DOCK1: variants seen among roughly 807,000 people sequenced by gnomAD.
DOCK1 encodes dedicator of cytokinesis protein 1.
In DOCK1, 138 loss-of-function variants were observed where a neutral mutation model predicts 262.7. The ratio of observed to expected loss-of-function variants is 0.53; its 90% CI spans 0.46 to 0.61. The LOEUF (loss-of-function observed/expected upper bound fraction) is 0.61, where lower values mean the gene tolerates loss of function less well. Ranked by LOEUF, DOCK1 falls within the 20% of genes least tolerant of loss-of-function variation. DOCK1 has a pLI of 0.00. For synonymous variants in DOCK1, 866 were observed against 867.4 expected (o/e 1.00, Z 0.03); for missense variants, 1,908 against 2,370.7 (o/e 0.80, Z 4.05).
intron 1 of DOCK1, among the ~76,000 whole-genome samples, chr10:126,909,498 C>T (rs572079653): frequency 4.0e-4 from 61 of 152,262 alleles, no homozygotes; most frequent in Non-Finnish European, 7.3e-4. Context: ...GAGAAGCTTG[C>T]AGGGTGAGGC....
chr10:127,415,782 G>T (rs545842530), intron 44 of DOCK1, among the ~76,000 whole-genome samples: 6 of 152,164 alleles, frequency 3.9e-5, no homozygotes, highest in East Asian at 1.9e-4. Context: ...TTTCATTTAC[G>T]TGAAACTCAC....
intron 22 of DOCK1, among the ~76,000 whole-genome samples, chr10:127,056,651 C>A (rs1316843262): frequency 6.6e-6 from 1 of 151,962 alleles, no homozygotes; most frequent in Non-Finnish European, 1.5e-5. Flanking sequence ...TCCATGAATA[C>A]TTAATGAGTG....
At chr10:127,036,068 G>A (rs912223658) in intron 18 of DOCK1, among the ~76,000 whole-genome samples, 6 of 151,148 alleles carry the variant, frequency 4.0e-5, no homozygotes, top group South Asian at 2.1e-4. Flanking sequence ...TGCTCAATTC[G>A]TCATCCTCTC....
At position 126,916,597 on chromosome 10, in the gene DOCK1, ACT is replaced by A. The variant is rs368765668; in HGVS notation, c.46+11037_46+11038del. ...CTAAGCCACAGAAAAGTTAAAGAAG[ACT>A]CTGCCTCGAAATAACTCATTTCTTC... On this transcript the variant is annotated intron_variant, in intron 1 of 51. Coordinates refer to ENST00000623213, the MANE Select transcript of DOCK1 (RefSeq NM_001290223.2). Among the ~76,000 whole-genome samples the A allele has an allele frequency of 1.3e-4, 20 of 151,956 alleles. No homozygotes were observed. The South Asian group carries it at 2.7e-3, about 21-fold the overall frequency.
chr10:127,151,748 C>T (rs1324040235), intron 27 of DOCK1, among the ~76,000 whole-genome samples: 3 of 152,166 alleles, frequency 2.0e-5, no homozygotes, highest in Admixed American at 6.5e-5. Flanking sequence ...AGTGAGTCTT[C>T]CTAAGTCTTG....
intron 33 of DOCK1, among the ~76,000 whole-genome samples, chr10:127,371,720 C>A (rs1447519112): frequency 6.6e-6 from 1 of 152,176 alleles, no homozygotes; most frequent in Non-Finnish European, 1.5e-5. Flanking sequence ...CAGCCCTCAT[C>A]AAACATTTAA....
At chr10:126,993,153 G>A (rs549190424) in intron 6 of DOCK1, among the ~76,000 whole-genome samples, 10 of 152,346 alleles carry the variant, frequency 6.6e-5, no homozygotes, top group Non-Finnish European at 1.3e-4. Context: ...GTCTGCCCTG[G>A]CAGGTGTGAG....
intron 19 of DOCK1, among the ~76,000 whole-genome samples, chr10:127,040,395 G>A (rs1009391940): frequency 3.9e-5 from 6 of 152,200 alleles, no homozygotes; most frequent in African/African-American, 1.4e-4. Flanking sequence ...GCCAAGCATG[G>A]AGAGGATTTT....
rs1057491223 is a variant in DOCK1 at position 127,049,492 on chromosome 10, G to C, written c.2202-3189G>C. Among the ~76,000 whole-genome samples the C allele has an allele frequency of 1.8e-4, 27 of 152,108 alleles. 1 individual carries two copies. The highest frequency in any genetic ancestry group is 6.0e-4 in the African/African-American group (25 of 41,412). On this transcript the variant is annotated intron_variant, in intron 21 of 51. Coordinates refer to ENST00000623213, the MANE Select transcript of DOCK1 (RefSeq NM_001290223.2). ...GCCACGATCACGCTACTGCACGCCA[G>C]CCTGAGTGACAGAGTGAGACTCTGT...
intron 49 of DOCK1, among the ~76,000 whole-genome samples, chr10:127,439,615 TG>T (rs989368630): frequency 6.6e-6 from 1 of 152,198 alleles, no homozygotes; most frequent in Non-Finnish European, 1.5e-5. Context: ...CCTTGCTGAC[TG>T]GAACTCTTCT....
At chr10:127,111,326 T>C (rs184608450) in intron 25 of DOCK1, among the ~76,000 whole-genome samples, 3 of 152,122 alleles carry the variant, frequency 2.0e-5, no homozygotes, top group African/African-American at 7.2e-5. Flanking sequence ...TAGGTGAGAG[T>C]GTTCTTCTCT....
At chr10:127,058,741 T>A (rs1291261568) in intron 22 of DOCK1, among the ~76,000 whole-genome samples, 1 of 152,166 alleles carries the variant, frequency 6.6e-6, no homozygotes, top group East Asian at 1.9e-4. Context: ...GTATTTCAAA[T>A]GATTACTCTT....
chr10:126,928,879 G>C lies in DOCK1; in HGVS notation c.46+23316G>C, dbSNP rs1052652586. Among the ~76,000 whole-genome samples the C allele has an allele frequency of 8.0e-3, 1,224 of 152,376 alleles. 25 individuals are homozygous for C. The highest frequency in any genetic ancestry group is 0.028 in the African/African-American group (1,167 of 41,600). ...TTTGTACAATCACCCCATAGCCACT[G>C]TTGGCGTGAGCCAGGAGGCTTGATC... On this transcript the variant is annotated intron_variant, in intron 1 of 51. Transcript: ENST00000623213.
intron 1 of DOCK1, among the ~76,000 whole-genome samples, chr10:126,948,553 G>T (rs922478972): frequency 3.0e-4 from 46 of 152,022 alleles, no homozygotes; most frequent in Non-Finnish European, 4.3e-4. Flanking sequence ...TTTTTTACGT[G>T]GGGTGGGGTC....
chr10:127,419,725 G>C lies in DOCK1; in HGVS notation c.4752G>C (p.Lys1584Asn). 1.2e-6 allele frequency: 2 copies of C among 1,602,890 alleles called. No homozygotes were observed. Among genetic ancestry groups the C allele is most frequent in the Non-Finnish European group, 1.7e-6 (2 of 1,174,462 alleles). ...EHPEAHEKIEKLKDLIAWQIP... is the reference protein window; with the variant it reads ...EHPEAHEKIENLKDLIAWQIP... Reference sequence around the variant, plus strand: ...CTGAGGCCCATGAAAAGATCGAGAAGCTCAAGGACCTGATTGCTTGGCAGG... The same window carrying C: ...CTGAGGCCCATGAAAAGATCGAGAACCTCAAGGACCTGATTGCTTGGCAGG... The change falls in exon 46 of 52, where the codon AAG (lysine) becomes AAC (asparagine). Residue 1584 changes from lysine (K) to asparagine (N), a missense_variant. Lys to Asn is a moderately conservative substitution (Grantham distance 94). Transcript: ENST00000623213.
intron 27 of DOCK1, among the ~76,000 whole-genome samples, chr10:127,199,395 C>G (rs1028151879): frequency 2.6e-5 from 4 of 152,088 alleles, no homozygotes; most frequent in African/African-American, 9.7e-5. Context: ...CAAACATGTT[C>G]AAGAATGTTC....
At chr10:127,121,453 A>ATGTGTGTGTGTGTGTGTG (rs755217555) in intron 25 of DOCK1, among the ~76,000 whole-genome samples, 5 of 25,790 alleles carry the variant, frequency 1.9e-4, no homozygotes, top group South Asian at 4.7e-3. Flanking sequence ...GGGTATATGT[A>ATGTGTGTGTGTGTGTGTG]TATGTGTGTG....
Position 127,175,558 on chromosome 10 carries a change from A to G in DOCK1, c.2847+47794A>G. On this transcript the variant is annotated intron_variant, in intron 27 of 51. Coordinates refer to ENST00000623213, the MANE Select transcript of DOCK1 (RefSeq NM_001290223.2). The surrounding 1 kb of genome is among the most constrained non-coding windows in gnomAD (Gnocchi z 6.3). The stretch of plus-strand genomic sequence containing the variant: ...CGCTCGTCATCTGCCGGGCAGAGTG[A>G]CCACTGGCTGGCGGCTGCAGAGTCT... The G allele has an allele frequency of 6.2e-7, 1 of 1,611,900 alleles. No individual in the cohort carries two copies. The highest frequency in any genetic ancestry group is 8.5e-7 in the Non-Finnish European group (1 of 1,179,970).
Position 127,360,928 on chromosome 10 carries a change from G to A in DOCK1, c.3284-1136G>A, listed in dbSNP as rs376633104. ...AAGGTAACCATCTCGTAAGGTTACC[G>A]TGAAAATTCAGTGAGATGATGCTTT... On this transcript the variant is annotated intron_variant, in intron 32 of 51. Coordinates refer to ENST00000623213, the MANE Select transcript of DOCK1 (RefSeq NM_001290223.2). Among the ~76,000 whole-genome samples the A allele has an allele frequency of 1.3e-3, 199 of 152,200 alleles. 1 individual carries two copies. The highest frequency in any genetic ancestry group is 4.3e-3 in the African/African-American group (179 of 41,534).
Sources: gnomAD v4.1 joint callset for allele counts (sites outside exome capture counted in the v4.1 genomes callset) on GRCh38, gnomAD v4.1.1 for gene constraint, Gnocchi (gnomAD v3.1) non-coding constraint, MANE v1.5 for transcripts, NCBI Gene and HGNC (gene_info 2026-07-23, HGNC 2026-07-21) for gene names.